TENM4: variants seen among roughly 807,000 people sequenced by gnomAD.
The protein encoded by TENM4 is teneurin transmembrane protein 4.
TENM4 carries 82 observed loss-of-function variants against 243.3 expected under a neutral mutation model. That is an observed-to-expected ratio of 0.34 (90% CI 0.28 to 0.40). TENM4 has a LOEUF of 0.40. Among genes scored for constraint, TENM4 ranks in the 10% least tolerant of loss-of-function variants. The pLI, the probability that TENM4 is intolerant of heterozygous loss-of-function variation, is 1.00. For missense variants in TENM4, 3,138 were observed against 3,673.3 expected, an observed-to-expected ratio of 0.85 and a Z score of 3.77; for synonymous variants, 1,412 against 1,456.3, an observed-to-expected ratio of 0.97 and a Z score of 0.69.
intron 3 of TENM4, among the ~76,000 whole-genome samples, chr11:79,169,293 G>A (rs1159545446): frequency 6.6e-6 from 1 of 152,224 alleles, no homozygotes; most frequent in Non-Finnish European, 1.5e-5. Context: ...TGGCACATCT[G>A]TGAATTAAGC....
At chr11:78,660,437 C>T (rs1387986434) in intron 33 of TENM4, among the ~76,000 whole-genome samples, 1 of 152,022 alleles carries the variant, frequency 6.6e-6, no homozygotes, top group East Asian at 1.9e-4. Context: ...AATCTAGTAG[C>T]GAGACAAGAA....
intron 2 of TENM4, among the ~76,000 whole-genome samples, chr11:79,278,562 A>G (rs1856100501): frequency 6.6e-6 from 1 of 152,220 alleles, no homozygotes; most frequent in South Asian, 2.1e-4. Flanking sequence ...ACATCGGAAG[A>G]GCTTTCCCAT....
In TENM4 at chr11:79,360,407, C is replaced by T. The variant is rs978386519; in HGVS notation, c.-320-62864G>A. Reference sequence around the variant, plus strand: ...GACATTTCTTCCCACTCAGGATCAGCGTGTTGATTCTGTTCACATAGGGAA... The same window carrying T: ...GACATTTCTTCCCACTCAGGATCAGTGTGTTGATTCTGTTCACATAGGGAA... On this transcript the variant is annotated intron_variant, in intron 1 of 33. Coordinates refer to ENST00000278550, the MANE Select transcript of TENM4 (RefSeq NM_001098816.3). Among the ~76,000 whole-genome samples the T allele has an allele frequency of 3.3e-5, 5 of 152,166 alleles. No homozygotes were observed. The South Asian group carries it at 1.0e-3, about 32-fold the overall frequency.
chr11:78,701,878 A>G lies in TENM4; in HGVS notation c.4735T>C (p.Ser1579Pro). 5 of 1,613,966 alleles carry G rather than the reference A, an allele frequency of 3.1e-6. No homozygotes were observed. The highest frequency in any genetic ancestry group is 3.4e-6 in the Non-Finnish European group (4 of 1,179,886). ...TAGAGCTCCTGGTCAATTGGTGAAG[A>G]CAGCTCATACATGTTCTGGGTGTTG... ...FLNTQNMYEL[S>P]SPIDQELYLF... Residue 1579 changes from serine to proline, a missense_variant, in exon 28 of 34, where the codon TCT (serine) becomes CCT (proline). This residue lies in a region of TENM4 where 2,467 missense variants were observed against 3,059.1 expected (regional missense o/e 0.81). Transcript: ENST00000278550.
chr11:79,298,521 CAAAAAAAAAAA>C (rs61373828), intron 1 of TENM4, among the ~76,000 whole-genome samples: 5 of 17,256 alleles, frequency 2.9e-4, no homozygotes, highest in Non-Finnish European at 8.8e-4. Flanking sequence ...GACTCCGTCT[CAAAAAAAAAAA>C]AAAAAAAAAA....
chr11:79,385,286 G>T (rs1858088928), intron 1 of TENM4, among the ~76,000 whole-genome samples: 2 of 152,164 alleles, frequency 1.3e-5, no homozygotes, highest in African/African-American at 2.4e-5. Flanking sequence ...TCCCTTCATG[G>T]TGTGCAGCCA....
At chr11:79,128,327 G>A (rs1374622643) in intron 4 of TENM4, among the ~76,000 whole-genome samples, 2 of 152,158 alleles carry the variant, frequency 1.3e-5, no homozygotes, top group Non-Finnish European at 2.9e-5. Context: ...CATGAAACCT[G>A]TACTGTCTAT....
At chr11:78,931,764 A>G (rs890768732) in intron 6 of TENM4, among the ~76,000 whole-genome samples, 6 of 152,212 alleles carry the variant, frequency 3.9e-5, no homozygotes, top group Non-Finnish European at 7.3e-5. Flanking sequence ...CACCGGGGCT[A>G]GGTGTGAATT....
intron 3 of TENM4, among the ~76,000 whole-genome samples, chr11:79,171,576 A>G (rs1032680415): frequency 6.6e-6 from 1 of 152,212 alleles, no homozygotes; most frequent in African/African-American, 2.4e-5. Flanking sequence ...AATCTTTAAC[A>G]ACTGGGGAAG....
intron 3 of TENM4, among the ~76,000 whole-genome samples, chr11:79,180,493 T>C (rs1863259725): frequency 6.6e-6 from 1 of 151,750 alleles, no homozygotes; most frequent in Non-Finnish European, 1.5e-5. Context: ...TCAAGTCCTT[T>C]AATCTCTCTA....
chr11:79,293,415 G>C (rs1478417452), intron 2 of TENM4, among the ~76,000 whole-genome samples: 2 of 151,516 alleles, frequency 1.3e-5, no homozygotes, highest in Non-Finnish European at 2.9e-5. Flanking sequence ...GCTGAGGCAG[G>C]AAGATCACTT....
chr11:78,777,908 T>G (rs1243240432), intron 17 of TENM4, among the ~76,000 whole-genome samples: 1 of 152,156 alleles, frequency 6.6e-6, no homozygotes, highest in African/African-American at 2.4e-5. Flanking sequence ...ATTTGGAAAA[T>G]CAGGTACCAC....
intron 4 of TENM4, among the ~76,000 whole-genome samples, chr11:79,070,768 A>G (rs1225209073): frequency 3.9e-5 from 6 of 152,200 alleles, no homozygotes. Context: ...ACCCCCTTCA[A>G]GGTCACTTAG....
At chr11:78,778,465 A>G in intron 17 of TENM4, 137 bp downstream of exon 17, 1 of 949,852 alleles carries the variant, frequency 1.1e-6, no homozygotes, top group South Asian at 1.7e-5. Flanking sequence ...TGCTGCGACA[A>G]AACTGGGGAT....
intron 4 of TENM4, among the ~76,000 whole-genome samples, chr11:79,080,918 G>A (rs74518172): frequency 2.8e-3 from 432 of 152,294 alleles, no homozygotes; most frequent in African/African-American, 0.01. Context: ...ACACTAGGAA[G>A]CAGAGGGAAG....
intron 3 of TENM4, among the ~76,000 whole-genome samples, chr11:79,190,533 A>T (rs998779752): frequency 4.6e-5 from 7 of 152,188 alleles, no homozygotes; most frequent in African/African-American, 1.7e-4. Context: ...GAATAAATGA[A>T]TGAGAGTCAA....
At chr11:78,921,365 C>A (rs1336217078) in intron 6 of TENM4, among the ~76,000 whole-genome samples, 3 of 152,252 alleles carry the variant, frequency 2.0e-5, no homozygotes, top group African/African-American at 7.2e-5. Flanking sequence ...GACAAATGCA[C>A]TGTGCCCAAG....
chr11:78,989,594 C>G (rs1466112230), intron 6 of TENM4, among the ~76,000 whole-genome samples: 1 of 152,224 alleles, frequency 6.6e-6, no homozygotes, highest in Non-Finnish European at 1.5e-5. Context: ...AATTAAATCA[C>G]AGTTCAGCCA....
chr11:78,657,121 T>C lies in TENM4; in HGVS notation c.*937A>G. The C allele has an allele frequency of 2.5e-6, 1 of 398,670 alleles. No individual in the cohort carries two copies. The highest frequency in any genetic ancestry group is 4.4e-6 in the Non-Finnish European group (1 of 226,094). 24.7% of individuals were successfully genotyped at this position (398,670 alleles called of 1,614,324 possible). On this transcript the variant is annotated 3_prime_UTR_variant, in exon 34 of 34. Coordinates refer to ENST00000278550, the MANE Select transcript of TENM4 (RefSeq NM_001098816.3). Reference sequence around the variant, plus strand: ...TGGGTGGCCTTCTGTTCTGTGGACATGGTGCCCACATTGAAGGCTTGCTGT... The same window carrying C: ...TGGGTGGCCTTCTGTTCTGTGGACACGGTGCCCACATTGAAGGCTTGCTGT...
Sources: allele counts gnomAD v4.1 joint callset (sites outside exome capture counted in the v4.1 genomes callset), GRCh38; gene constraint gnomAD v4.1.1; regional missense constraint gnomAD v4.1.1; transcripts MANE v1.5; gene names NCBI Gene and HGNC (gene_info 2026-07-23, HGNC 2026-07-21).